The following CERT1 variants were observed in gnomAD, a reference collection of about 807,000 sequenced individuals.
CERT1 encodes the protein ceramide transfer protein.
CERT1 carries 31 observed loss-of-function variants against 87.9 expected under a neutral mutation model. That is an observed-to-expected ratio of 0.35 (90% CI 0.27 to 0.48). The LOEUF is 0.48. Among genes scored for constraint, CERT1 ranks in the 20% least tolerant of loss-of-function variants. The pLI, the probability that CERT1 is intolerant of heterozygous loss-of-function variation, is 0.99. For synonymous variants in CERT1, 289 were observed against 250.9 expected (o/e 1.15, Z -1.44); for missense variants, 487 against 758.0 (o/e 0.64, Z 4.20).
At chr5:75,424,192 A>G (rs1181719809) in intron 5 of CERT1, among the ~76,000 whole-genome samples, 2 of 152,226 alleles carry the variant, frequency 1.3e-5, no homozygotes, top group Non-Finnish European at 2.9e-5. Flanking sequence ...ATAAGAACTC[A>G]ATAAAATTAT....
chr5:75,378,943 C>G lies in CERT1; in HGVS notation c.*403G>C, dbSNP rs968259055. The G allele has an allele frequency of 1.3e-5, 2 of 155,018 alleles. No homozygotes were observed. Among genetic ancestry groups the G allele is most frequent in the African/African-American group, 4.8e-5 (2 of 41,632 alleles). 9.6% of individuals were successfully genotyped at this position (155,018 alleles called of 1,614,324 possible). ...TCTGTAATCCCAGCACTTTGGGAGG[C>G]TGAGGCAGGAGGATTGTCTGAGGCC... On this transcript the variant is annotated 3_prime_UTR_variant, in exon 17 of 17. Transcript: ENST00000643780.
intron 3 of CERT1, among the ~76,000 whole-genome samples, chr5:75,440,300 T>C (rs764123463): frequency 1.3e-5 from 2 of 152,110 alleles, no homozygotes; most frequent in South Asian, 2.1e-4. Context: ...AGGATTTTTA[T>C]CATATTTCAA....
intron 9 of CERT1, chr5:75,402,112 A>G (rs1468430459): frequency 6.6e-6 from 1 of 152,230 alleles, no homozygotes; most frequent in Non-Finnish European, 1.5e-5. Flanking sequence ...CTTTTCTTCA[A>G]TTTCCACAGC....
chr5:75,482,567 G>T (rs1483139582), intron 2 of CERT1, among the ~76,000 whole-genome samples: 1 of 152,192 alleles, frequency 6.6e-6, no homozygotes, highest in Admixed American at 6.5e-5. Flanking sequence ...GTCACTGTGG[G>T]CCTTGGGCAA....
intron 3 of CERT1, among the ~76,000 whole-genome samples, chr5:75,452,568 G>A (rs1764808231): frequency 6.6e-6 from 1 of 151,992 alleles, no homozygotes; most frequent in Admixed American, 6.6e-5. Context: ...TATTCTAATT[G>A]TAGAAGATTC....
intron 3 of CERT1, among the ~76,000 whole-genome samples, chr5:75,435,380 T>G (rs770468601): frequency 6.6e-6 from 1 of 152,240 alleles, no homozygotes; most frequent in African/African-American, 2.4e-5. Context: ...CTCTTGTTTG[T>G]CAAGGAGCTG....
At chr5:75,498,258 C>T (rs191710119) in intron 2 of CERT1, among the ~76,000 whole-genome samples, 7 of 152,152 alleles carry the variant, frequency 4.6e-5, no homozygotes, top group Admixed American at 6.5e-5. Context: ...AAAAGAAGAA[C>T]GTATTTTCTG....
intron 3 of CERT1, among the ~76,000 whole-genome samples, chr5:75,449,318 CAG>C (rs1194681625): frequency 2.0e-5 from 3 of 152,096 alleles, no homozygotes; most frequent in Admixed American, 6.5e-5. Context: ...TAGGATGAAA[CAG>C]ATATATTAAT....
intron 17 of CERT1, chr5:75,370,811 G>C (rs1323957038): frequency 5.3e-5 from 8 of 152,120 alleles, no homozygotes; most frequent in Middle Eastern, 6.8e-3. Context: ...AATTAGCCGG[G>C]CATAGTGCCT....
At chr5:75,504,438 A>G (rs967958471) in intron 2 of CERT1, among the ~76,000 whole-genome samples, 4 of 152,184 alleles carry the variant, frequency 2.6e-5, no homozygotes, top group African/African-American at 9.6e-5. Context: ...ATTCAATTCT[A>G]AACTTTTGTT....
At chr5:75,487,328 T>C (rs1766570076) in intron 2 of CERT1, among the ~76,000 whole-genome samples, 1 of 152,016 alleles carries the variant, frequency 6.6e-6, no homozygotes, top group South Asian at 2.1e-4. Flanking sequence ...ATTAAAATCA[T>C]ATCAAATGGA....
At chr5:75,448,374 C>G (rs1042427243) in intron 3 of CERT1, among the ~76,000 whole-genome samples, 1 of 152,110 alleles carries the variant, frequency 6.6e-6, no homozygotes, top group East Asian at 1.9e-4. Context: ...TTTTCAGTTA[C>G]GGTAATATTT....
chr5:75,425,597 A>T, intron 4 of CERT1, 98 bp from the exon 5 acceptor site: 3 of 1,154,620 alleles, frequency 2.6e-6, no homozygotes, highest in Non-Finnish European at 3.7e-6. Flanking sequence ...TCTGCACCTT[A>T]TAACTGAGGG....
chr5:75,493,791 T>C (rs1766923321), intron 2 of CERT1, among the ~76,000 whole-genome samples: 1 of 152,204 alleles, frequency 6.6e-6, no homozygotes, highest in South Asian at 2.1e-4. Context: ...ACTGTTCAGA[T>C]GTTAGAACTC....
chr5:75,429,403 T>C (rs1371562634), intron 3 of CERT1, among the ~76,000 whole-genome samples: 2 of 152,110 alleles, frequency 1.3e-5, no homozygotes, highest in Non-Finnish European at 2.9e-5. Context: ...GGTTTCATTA[T>C]GTTGGCCAGG....
At chr5:75,436,511 T>C (rs1032879330) in intron 3 of CERT1, among the ~76,000 whole-genome samples, 4 of 152,182 alleles carry the variant, frequency 2.6e-5, no homozygotes, top group Non-Finnish European at 4.4e-5. Context: ...TCCTTTTCCT[T>C]CCCTTTCCCT....
At chr5:75,451,371 C>T (rs976563489) in intron 3 of CERT1, among the ~76,000 whole-genome samples, 3 of 152,030 alleles carry the variant, frequency 2.0e-5, no homozygotes, top group African/African-American at 4.8e-5. Flanking sequence ...ATGGCAGAGC[C>T]CCGACTACTG....
intron 11 of CERT1, among the ~76,000 whole-genome samples, chr5:75,393,591 CCTCA>C (rs1762113396): frequency 3.5e-5 from 1 of 28,782 alleles, no homozygotes; most frequent in African/African-American, 1.1e-4. Context: ...CATAGCAAGA[CCTCA>C]TCTACTTAAA....
chr5:75,465,137 C>T (rs1352301873), intron 2 of CERT1, among the ~76,000 whole-genome samples: 1 of 152,140 alleles, frequency 6.6e-6, no homozygotes, highest in Non-Finnish European at 1.5e-5. Flanking sequence ...ATCCCTTCCT[C>T]TAGCTCTCTC....
Sources: allele counts gnomAD v4.1 joint callset (sites outside exome capture counted in the v4.1 genomes callset), GRCh38; gene constraint gnomAD v4.1.1; transcripts MANE v1.5; gene names NCBI Gene and HGNC (gene_info 2026-07-23, HGNC 2026-07-21).